The following TFCP2L1 variants were observed in gnomAD, a reference collection of about 807,000 sequenced individuals.
The protein encoded by TFCP2L1 is transcription factor CP2-like protein 1.
Under a neutral mutation model 72.2 loss-of-function variants are expected in TFCP2L1, and 12 were observed. The observed-to-expected ratio is 0.17, with a 90% CI of 0.11 to 0.27. TFCP2L1 has a LOEUF of 0.27. TFCP2L1 is among the 10% of genes least tolerant of loss of function. The pLI is 1.00. For synonymous variants in TFCP2L1, 260 were observed against 251.0 expected (o/e 1.04, Z -0.34); for missense variants, 488 against 624.6 (o/e 0.78, Z 2.33).
At chr2:121,262,034 G>A (rs1047740845) in intron 2 of TFCP2L1, among the ~76,000 whole-genome samples, 13 of 152,152 alleles carry the variant, frequency 8.5e-5, no homozygotes, top group Admixed American at 3.3e-4. Context: ...TCAAGCTTTT[G>A]GCCAGGCATG....
In TFCP2L1 at chr2:121,237,854, C is replaced by A; in HGVS notation, c.861-4G>T. 6.2e-7 allele frequency: 1 copy of A among 1,613,980 alleles called. No individual in the cohort carries two copies. The highest frequency in any genetic ancestry group is 8.5e-7 in the Non-Finnish European group (1 of 1,179,930). On this transcript the variant is annotated splice_region_variant and splice_polypyrimidine_tract_variant and intron_variant, in intron 8 of 14. Transcript: ENST00000263707. The stretch of plus-strand genomic sequence containing the variant: ...CGGGTGGGTCGGAGAGGCGTTGCTG[C>A]AAGGAAAAGGAACCAGTGATGAGGA...
intron 5 of TFCP2L1, 55 bp downstream of exon 5, chr2:121,248,109 C>A: frequency 6.6e-7 from 1 of 1,522,318 alleles, no homozygotes; most frequent in Admixed American, 1.8e-5. Flanking sequence ...AAACTGCACG[C>A]AGGCCACCCC....
chr2:121,229,733 A>C (rs1233870948), intron 13 of TFCP2L1, among the ~76,000 whole-genome samples: 1 of 152,238 alleles, frequency 6.6e-6, no homozygotes, highest in Non-Finnish European at 1.5e-5. Context: ...ACAGTCTGAC[A>C]GGTATATGCA....
Position 121,238,207 on chromosome 2 carries a change from G to A in TFCP2L1, c.861-357C>T, listed in dbSNP as rs551005583. 2.6e-5 allele frequency among the ~76,000 whole-genome samples: 4 copies of A among 152,250 alleles called. No homozygotes were observed. In the South Asian group the frequency reaches 8.3e-4, roughly 32 times the overall value. On this transcript the variant is annotated intron_variant, in intron 8 of 14. Coordinates refer to ENST00000263707, the MANE Select transcript of TFCP2L1 (RefSeq NM_014553.3). Reference sequence around the variant, plus strand: ...CCCCAGCCCCAGGGAAAGGCACGCTGACCAAGGGCACCCAGAGCCTTGGCA... The same window carrying A: ...CCCCAGCCCCAGGGAAAGGCACGCTAACCAAGGGCACCCAGAGCCTTGGCA...
chr2:121,244,446 C>T (rs1187443506), intron 6 of TFCP2L1, among the ~76,000 whole-genome samples: 1 of 152,180 alleles, frequency 6.6e-6, no homozygotes, highest in African/African-American at 2.4e-5. Context: ...GAAGGACACA[C>T]CTCAGGCATT....
chr2:121,228,863 G>A (rs902794858), intron 13 of TFCP2L1, among the ~76,000 whole-genome samples: 14 of 148,636 alleles, frequency 9.4e-5, no homozygotes, highest in South Asian at 2.1e-4. Context: ...GACAAAAATA[G>A]CAAGTTGCAG....
At chr2:121,280,605 T>C in intron 2 of TFCP2L1, among the ~76,000 whole-genome samples, 1 of 151,312 alleles carries the variant, frequency 6.6e-6, no homozygotes, top group South Asian at 2.1e-4. Context: ...TACAAAAAAT[T>C]TAAAAATTAG....
At chr2:121,239,406 G>T in intron 8 of TFCP2L1, 152 bp downstream of exon 8, 1 of 824,078 alleles carries the variant, frequency 1.2e-6, no homozygotes, top group Non-Finnish European at 2.0e-6. Flanking sequence ...ACTAAAAGTT[G>T]TGTAAATGCT....
intron 2 of TFCP2L1, among the ~76,000 whole-genome samples, chr2:121,275,047 G>A (rs1687117594): frequency 6.6e-6 from 1 of 151,970 alleles, no homozygotes; most frequent in African/African-American, 2.4e-5. Context: ...TTTTCCAGCA[G>A]TTATGACAAT....
intron 2 of TFCP2L1, among the ~76,000 whole-genome samples, chr2:121,255,930 GACAGGGTTTCACCATGT>G (rs557092300): frequency 1.3e-5 from 2 of 152,124 alleles, no homozygotes; most frequent in Non-Finnish European, 2.9e-5. Context: ...TTTTAGTAGA[GACAGGGTTTCACCATGT>G]TAGCCAGGAT....
rs199755337 is a variant in TFCP2L1 at position 121,249,067 on chromosome 2, G to A, written c.312C>T (p.Phe104=). 9.4e-6 allele frequency: 15 copies of A among 1,596,654 alleles called. No homozygotes were observed. In the East Asian group the frequency reaches 2.5e-4, roughly 27 times the overall value. Residue 104 remains phenylalanine, a synonymous_variant, in exon 4 of 15, where the codon TTC becomes TTT. Coordinates refer to ENST00000263707, the MANE Select transcript of TFCP2L1 (RefSeq NM_014553.3). ...KYVKSIIRVV[F]HDRRLQYTEH... ...CCGTATACTGCAGCCGGCGGTCATG[G>A]AAGACCACACGGATGATGCTCTGGG...
At chr2:121,274,105 A>G (rs1275239827) in intron 2 of TFCP2L1, among the ~76,000 whole-genome samples, 2 of 152,010 alleles carry the variant, frequency 1.3e-5, no homozygotes, top group East Asian at 1.9e-4. Context: ...AAAAAAAAAA[A>G]AAAAGAAAAA....
chr2:121,242,467 C>A lies in TFCP2L1; in HGVS notation c.660G>T (p.Pro220=). 3 of 1,614,042 alleles carry A rather than the reference C, an allele frequency of 1.9e-6. No individual in the cohort carries two copies. The highest frequency in any genetic ancestry group is 8.5e-7 in the Non-Finnish European group (1 of 1,180,000). The change falls in exon 7 of 15, where the codon CCG becomes CCT. Residue 220 remains proline (P), a splice_region_variant and synonymous_variant. Coordinates refer to ENST00000263707, the MANE Select transcript of TFCP2L1 (RefSeq NM_014553.3). ...TCTTCTGTTTCCGATCGGCTCCCTT[C>A]GGCTGCGAGCAGAGTACAGAGTCCA... ...SASCQIKVFK[P]KGADRKQKTD...
chr2:121,285,143 G>C lies in TFCP2L1; in HGVS notation c.-34C>G. 1 of 1,459,832 alleles carries C rather than the reference G, an allele frequency of 6.9e-7. No individual in the cohort carries two copies. The highest frequency in any genetic ancestry group is 9.1e-7 in the Non-Finnish European group (1 of 1,102,570). The allele number at this position is 1,459,832 out of a possible 1,614,324, so 90.4% of individuals were successfully genotyped here. The stretch of plus-strand genomic sequence containing the variant: ...CTCCCAGCGCGCCGACCGGGGCGCG[G>C]CAGCAAGCGCAGACGCGGGGCGCGC... On this transcript the variant is annotated 5_prime_UTR_variant, in exon 1 of 15. Coordinates refer to ENST00000263707, the MANE Select transcript of TFCP2L1 (RefSeq NM_014553.3).
intron 2 of TFCP2L1, among the ~76,000 whole-genome samples, chr2:121,276,878 G>C (rs1238948878): frequency 6.7e-6 from 1 of 148,254 alleles, no homozygotes; most frequent in African/African-American, 2.5e-5. Context: ...AAGCATAAAA[G>C]AAAAGTTTAT....
intron 2 of TFCP2L1, among the ~76,000 whole-genome samples, chr2:121,272,315 T>C (rs1390361812): frequency 2.6e-5 from 4 of 152,164 alleles, no homozygotes; most frequent in African/African-American, 9.7e-5. Flanking sequence ...AACAAAGAAG[T>C]ACCACCCTAA....
intron 11 of TFCP2L1, 65 bp from the exon 12 acceptor site, chr2:121,234,259 C>G: frequency 6.9e-7 from 1 of 1,451,744 alleles, no homozygotes; most frequent in Non-Finnish European, 9.6e-7. Flanking sequence ...TCAGAATATT[C>G]CAGGATGGAA....
intron 2 of TFCP2L1, among the ~76,000 whole-genome samples, chr2:121,250,500 A>G (rs1049940512): frequency 3.9e-5 from 6 of 152,102 alleles, no homozygotes; most frequent in Non-Finnish European, 5.9e-5. Context: ...TTTTCCCAAA[A>G]TTAAATACTG....
At chr2:121,280,813 G>A (rs1241547294) in intron 2 of TFCP2L1, among the ~76,000 whole-genome samples, 4 of 150,132 alleles carry the variant, frequency 2.7e-5, no homozygotes, top group African/African-American at 9.8e-5. Flanking sequence ...AGGGAGGGAG[G>A]GAGGGAGGGA....
Sources: gnomAD v4.1 joint callset for allele counts (sites outside exome capture counted in the v4.1 genomes callset) on GRCh38, gnomAD v4.1.1 for gene constraint, MANE v1.5 for transcripts, NCBI Gene and HGNC (gene_info 2026-07-23, HGNC 2026-07-21) for gene names.